TDRD10: variants seen among roughly 807,000 people sequenced by gnomAD.
TDRD10 encodes the protein tudor domain-containing protein 10.
In TDRD10, 40 loss-of-function variants were observed where a neutral mutation model predicts 48.0. The observed-to-expected ratio is 0.83, with a 90% CI of 0.65 to 1.09. The LOEUF is 1.09. TDRD10 is among the 50% of genes least tolerant of loss of function. TDRD10 has a pLI of 0.00. For missense variants in TDRD10, 378 were observed against 434.7 expected, an observed-to-expected ratio of 0.87 and a Z score of 1.16; for synonymous variants, 162 against 170.4, an observed-to-expected ratio of 0.95 and a Z score of 0.38.
At chr1:154,524,744 T>A (rs553708989) in intron 6 of TDRD10, among the ~76,000 whole-genome samples, 40 of 152,242 alleles carry the variant, frequency 2.6e-4, no homozygotes, top group African/African-American at 9.4e-4. Flanking sequence ...CTGTCCCCCT[T>A]GCTGGGTTGG....
chr1:154,518,062 G>A (rs531217025), intron 4 of TDRD10, among the ~76,000 whole-genome samples: 1 of 152,348 alleles, frequency 6.6e-6, no homozygotes, highest in African/African-American at 2.4e-5. Context: ...TGCCTGTCTG[G>A]CACAAAGTCA....
At chr1:154,536,167 G>A (rs1694910145) in intron 6 of TDRD10, among the ~76,000 whole-genome samples, 1 of 152,168 alleles carries the variant, frequency 6.6e-6, no homozygotes, top group South Asian at 2.1e-4. Context: ...CATGAGGTCA[G>A]GTGTTCGAGA....
intron 9 of TDRD10, 109 bp downstream of exon 9, chr1:154,544,219 G>T: frequency 6.4e-7 from 1 of 1,566,994 alleles, no homozygotes; most frequent in South Asian, 1.1e-5. Context: ...GGGTAACTAC[G>T]GTCTGATCCT....
intron 6 of TDRD10, among the ~76,000 whole-genome samples, chr1:154,531,977 C>T (rs1310560274): frequency 1.3e-5 from 2 of 152,248 alleles, no homozygotes; most frequent in Non-Finnish European, 2.9e-5. Context: ...CTTAGCTAGT[C>T]ATAAAGGTTC....
intron 6 of TDRD10, among the ~76,000 whole-genome samples, chr1:154,532,040 G>T (rs539737878): frequency 1.3e-5 from 2 of 152,204 alleles, no homozygotes; most frequent in Non-Finnish European, 2.9e-5. Flanking sequence ...AGTGGATCTC[G>T]CACCGGGGCC....
At chr1:154,517,095 G>T (rs1410166817) in intron 4 of TDRD10, among the ~76,000 whole-genome samples, 1 of 152,172 alleles carries the variant, frequency 6.6e-6, no homozygotes, top group Non-Finnish European at 1.5e-5. Context: ...AGAACCAGAG[G>T]TGTGAGTGGG....
chr1:154,525,579 A>G (rs1379267115), intron 6 of TDRD10, among the ~76,000 whole-genome samples: 1 of 152,184 alleles, frequency 6.6e-6, no homozygotes, highest in East Asian at 1.9e-4. Flanking sequence ...AGGTAACAAC[A>G]TTTTAAAATC....
intron 6 of TDRD10, among the ~76,000 whole-genome samples, chr1:154,525,403 G>T (rs1257078656): frequency 2.2e-5 from 3 of 138,294 alleles, no homozygotes; most frequent in Non-Finnish European, 4.8e-5. Context: ...GGTCAAAGAA[G>T]AATTTATAAA....
At chr1:154,510,013 A>G (rs1570897025) in intron 4 of TDRD10, 1 of 307,190 alleles carries the variant, frequency 3.3e-6, no homozygotes. Context: ...CCTTCGCAGA[A>G]AGCGGCAGCC....
In TDRD10 at chr1:154,538,063, G is replaced by T. The variant is rs569707218; in HGVS notation, c.370-3961G>T. 2.6e-5 allele frequency among the ~76,000 whole-genome samples: 4 copies of T among 152,312 alleles called. No homozygotes were observed. In the East Asian group the frequency reaches 7.7e-4, roughly 29 times the overall value. On this transcript the variant is annotated intron_variant, in intron 6 of 12. Transcript: ENST00000368482. The stretch of plus-strand genomic sequence containing the variant: ...GGTGATGTGCCTGCTGTGGCTGTTG[G>T]ATGATAATTATGTAGATTTTCCTCT...
At chr1:154,514,955 C>A (rs1693678263) in intron 4 of TDRD10, among the ~76,000 whole-genome samples, 1 of 151,952 alleles carries the variant, frequency 6.6e-6, no homozygotes, top group Admixed American at 6.6e-5. Context: ...GCAGCCTCCG[C>A]CTCTTGGGTT....
chr1:154,530,477 T>G (rs1315176475), intron 6 of TDRD10, among the ~76,000 whole-genome samples: 2 of 150,618 alleles, frequency 1.3e-5, no homozygotes, highest in Non-Finnish European at 3.0e-5. Context: ...ACCATGTTGC[T>G]CAGGCTGGTC....
At chr1:154,526,117 A>G (rs1174606931) in intron 6 of TDRD10, among the ~76,000 whole-genome samples, 1 of 150,204 alleles carries the variant, frequency 6.7e-6, no homozygotes, top group African/African-American at 2.5e-5. Flanking sequence ...AGGCAGGAAA[A>G]TTGCTTGAAC....
chr1:154,503,918 C>T (rs1268109726), intron 1 of TDRD10, among the ~76,000 whole-genome samples: 19 of 152,278 alleles, frequency 1.2e-4, no homozygotes, highest in African/African-American at 4.3e-4. Context: ...TAAGTGTGCA[C>T]CTCAAGTGTT....
intron 6 of TDRD10, among the ~76,000 whole-genome samples, chr1:154,535,380 AAAG>A (rs1694867544): frequency 6.6e-6 from 1 of 150,870 alleles, no homozygotes; most frequent in African/African-American, 2.4e-5. Context: ...AAAAAAAAAA[AAAG>A]AGAGAGAGAA....
At chr1:154,519,495 G>A (rs148713939) in intron 4 of TDRD10, among the ~76,000 whole-genome samples, 29 of 152,266 alleles carry the variant, frequency 1.9e-4, no homozygotes, top group East Asian at 3.9e-4. Flanking sequence ...ATTGAGGGGT[G>A]CAGGCAGGAG....
chr1:154,511,332 G>A (rs9659545), intron 4 of TDRD10, among the ~76,000 whole-genome samples: 139,513 of 151,646 alleles, frequency 0.92, 65,339 homozygotes, highest in East Asian at 1. Context: ...AAAATTTATT[G>A]TTTAAAAATG....
rs759988293 is a variant in TDRD10 at position 154,544,000 on chromosome 1, C to T, written c.541C>T (p.Arg181Ter). 13 of 1,614,046 alleles carry T rather than the reference C, an allele frequency of 8.1e-6. No homozygotes were observed. Among genetic ancestry groups the T allele is most frequent in the African/African-American group, 5.3e-5 (4 of 74,932 alleles). The change falls in exon 9 of 13, where the codon CGA becomes TGA. Residue 181 changes from arginine (R) to a stop codon, truncating the protein, a stop_gained. Coordinates refer to ENST00000368482, the MANE Select transcript of TDRD10 (RefSeq NM_182499.4). LOFTEE classifies it high-confidence loss of function. ...FLVLLLRECF[R>*]DLSWLALIHS... The stretch of plus-strand genomic sequence containing the variant: ...GGTGCTGCTCCTGAGGGAATGCTTC[C>T]GAGACCTGAGCTGGCTGGCACTCAT...
At chr1:154,532,534 C>T (rs58710275) in intron 6 of TDRD10, among the ~76,000 whole-genome samples, 29,614 of 152,130 alleles carry the variant, frequency 0.19, 3,107 homozygotes, top group South Asian at 0.23. Flanking sequence ...GGTGCAGCGG[C>T]GGGCTGAAGG....
Sources: allele counts gnomAD v4.1 joint callset (sites outside exome capture counted in the v4.1 genomes callset), GRCh38; gene constraint gnomAD v4.1.1; transcripts MANE v1.5; gene names NCBI Gene and HGNC (gene_info 2026-07-23, HGNC 2026-07-21).